PSMC2: variants seen among roughly 807,000 people sequenced by gnomAD.
PSMC2 encodes the protein proteasome 26S subunit, ATPase 2, also known as 26S proteasome regulatory subunit 7.
A neutral mutation model predicts 53.3 loss-of-function variants in PSMC2; 7 were observed. That is an observed-to-expected ratio of 0.13 (90% confidence interval 0.07 to 0.25). PSMC2 has a LOEUF of 0.25. Ranked by LOEUF, PSMC2 falls within the 10% of genes least tolerant of loss-of-function variation. The pLI is 1.00. For missense variants in PSMC2, 241 were observed against 544.0 expected (o/e 0.44, Z 5.54); for synonymous variants, 169 against 183.9 (o/e 0.92, Z 0.66).
chr7:103,364,069 C>T, intron 7 of PSMC2, 74 bp from the exon 8 acceptor site: 2 of 1,415,438 alleles, frequency 1.4e-6, no homozygotes, highest in Non-Finnish European at 1.9e-6. Context: ...CATAAAAGCA[C>T]TTTGTTGATT....
At chr7:103,362,621 C>T in intron 5 of PSMC2, 65 bp from the exon 6 acceptor site, 1 of 1,501,686 alleles carries the variant, frequency 6.7e-7, no homozygotes. Flanking sequence ...GGATAAAGGA[C>T]TAAACATAAA....
chr7:103,349,198 C>G (rs1819673587), intron 1 of PSMC2, among the ~76,000 whole-genome samples: 3 of 152,182 alleles, frequency 2.0e-5, no homozygotes, highest in Admixed American at 1.3e-4. Flanking sequence ...CACTGTCCCC[C>G]AAAAGAAAGC....
chr7:103,355,220 A>C (rs1819962228), intron 3 of PSMC2, among the ~76,000 whole-genome samples: 1 of 152,222 alleles, frequency 6.6e-6, no homozygotes, highest in East Asian at 1.9e-4. Context: ...AGTAAACTTC[A>C]GTTAACAAGT....
At chr7:103,360,110 C>T (rs1820294655) in intron 4 of PSMC2, among the ~76,000 whole-genome samples, 1 of 151,764 alleles carries the variant, frequency 6.6e-6, no homozygotes, top group Admixed American at 6.6e-5. Flanking sequence ...TTTAATAACA[C>T]CAACATCTAG....
chr7:103,366,128 GC>G lies in PSMC2; in HGVS notation c.811del (p.Ile272SerfsTer31). ...GAAATGGCCAGAACAAAAAAAGCCT[GC>G]CTTATCTTCTTTGATGAAATTGATG... The part of the protein sequence containing the change: ...LFEMARTKKA[C>X]LIFFDEIDAI... On this transcript the variant is annotated frameshift_variant, in exon 9 of 12. Transcript: ENST00000292644. LOFTEE classifies it high-confidence loss of function. The G allele has an allele frequency of 6.2e-7, 1 of 1,613,914 alleles. No homozygotes were observed. The highest frequency in any genetic ancestry group is 8.5e-7 in the Non-Finnish European group (1 of 1,179,850).
At chr7:103,365,012 AT>A (rs1321009782) in intron 8 of PSMC2, among the ~76,000 whole-genome samples, 5 of 142,356 alleles carry the variant, frequency 3.5e-5, no homozygotes, top group Non-Finnish European at 6.1e-5. Context: ...GGCTATATGT[AT>A]TGTATCTGAA....
intron 5 of PSMC2, 154 bp downstream of exon 5, chr7:103,362,242 C>A: frequency 7.0e-7 from 1 of 1,436,660 alleles, no homozygotes; most frequent in Non-Finnish European, 9.1e-7. Flanking sequence ...CTGTCTTCTG[C>A]ATCTGCTTCC....
intron 8 of PSMC2, among the ~76,000 whole-genome samples, chr7:103,365,435 C>G (rs1032314046): frequency 4.6e-5 from 7 of 151,914 alleles, no homozygotes; most frequent in African/African-American, 1.2e-4. Context: ...AGTTGGAAAC[C>G]AGCCTGACCA....
At chr7:103,349,529 A>G (rs1459080349) in intron 1 of PSMC2, among the ~76,000 whole-genome samples, 2 of 151,902 alleles carry the variant, frequency 1.3e-5, no homozygotes, top group Admixed American at 6.6e-5. Flanking sequence ...GCTCACTGCA[A>G]TCGCTGCCTC....
chr7:103,353,596 C>G (rs532259568), intron 1 of PSMC2, among the ~76,000 whole-genome samples: 1 of 152,158 alleles, frequency 6.6e-6, no homozygotes, highest in African/African-American at 2.4e-5. Flanking sequence ...CAGGAGCCAC[C>G]GCACGGGGCC....
At position 103,367,380 on chromosome 7, in the gene PSMC2, T is replaced by C. The variant is rs1054864418; in HGVS notation, c.845-33T>C. The C allele has an allele frequency of 1.9e-6, 3 of 1,607,704 alleles. No homozygotes were observed. The highest frequency in any genetic ancestry group is 4.5e-5 in the East Asian group (2 of 44,874). On this transcript the variant is annotated intron_variant, in intron 9 of 11. Coordinates refer to ENST00000292644, the MANE Select transcript of PSMC2 (RefSeq NM_002803.4). The surrounding 1 kb of genome is among the most constrained non-coding windows in gnomAD (Gnocchi z 6.1). ...TGCATAGTGCTACTCTTGAGTGGAC[T>C]TGAAGAGCTTATCTTTCCTTTTGTC...
rs563994963 is a variant in PSMC2, at chr7:103,361,975, T to C, written c.309T>C (p.Asn103=). Residue 103 remains asparagine (N), a synonymous_variant, in exon 5 of 12, where the codon AAT becomes AAC. Transcript: ENST00000292644. The part of the protein sequence containing the change: ...LQVARCTKII[N]ADSEDPKYII... ...GTGTTAGGTGTACAAAGATAATCAA[T>C]GCTGATTCGGAGGACCCAAAATACA... 5.0e-6 allele frequency: 8 copies of C among 1,612,788 alleles called. No homozygotes were observed. Among genetic ancestry groups the C allele is most frequent in the Non-Finnish European group, 6.8e-6 (8 of 1,179,704 alleles).
intron 1 of PSMC2, chr7:103,352,657 G>A (rs565703708): frequency 1.2e-4 from 61 of 529,134 alleles, no homozygotes; most frequent in South Asian, 9.8e-4. Context: ...CGCCTGTCTC[G>A]GCCTGGGATT....
Position 103,368,070 on chromosome 7 carries a change from A to C in PSMC2, c.*16A>C. On this transcript the variant is annotated 3_prime_UTR_variant, in exon 12 of 12. Coordinates refer to ENST00000292644, the MANE Select transcript of PSMC2 (RefSeq NM_002803.4). ...ATACAACTGAACCCTGAAGGCTTTCAAGTGAAAACTTTAAATTGGAATCCT... is the reference window on the plus strand; with the variant it reads ...ATACAACTGAACCCTGAAGGCTTTCCAGTGAAAACTTTAAATTGGAATCCT... 9 of 1,584,776 alleles carry C rather than the reference A, an allele frequency of 5.7e-6. No homozygotes were observed. The highest frequency in any genetic ancestry group is 7.7e-6 in the Non-Finnish European group (9 of 1,164,434).
chr7:103,360,092 A>AG, intron 4 of PSMC2, among the ~76,000 whole-genome samples: 1 of 152,114 alleles, frequency 6.6e-6, no homozygotes, highest in East Asian at 1.9e-4. Context: ...AAAAAAAAAA[A>AG]AGTTTTGTTT....
intron 4 of PSMC2, among the ~76,000 whole-genome samples, chr7:103,357,881 T>C (rs1820132428): frequency 6.6e-6 from 1 of 152,240 alleles, no homozygotes; most frequent in African/African-American, 2.4e-5. Context: ...TTTCTCTCAG[T>C]TATACCTTAG....
intron 4 of PSMC2, 114 bp from the exon 5 acceptor site, chr7:103,361,843 T>C: frequency 1.0e-6 from 1 of 999,456 alleles, no homozygotes; most frequent in Non-Finnish European, 1.4e-6. Context: ...TGTCCCAGTT[T>C]CTGTAGTTCT....
At chr7:103,365,792 G>C (rs1046332376) in intron 8 of PSMC2, among the ~76,000 whole-genome samples, 65 of 152,204 alleles carry the variant, frequency 4.3e-4, no homozygotes, top group African/African-American at 1.5e-3. Context: ...GCGGGGTGTG[G>C]TGACACATGC....
chr7:103,347,762 G>C lies in PSMC2; in HGVS notation c.51G>C (p.Lys17Asn). The part of the protein sequence containing the change: ...ADQRKTKEDE[K>N]DDKPIRALDE... ...AGCGGAAGACCAAAGAGGATGAGAA[G>C]GACGACAAGCCCATCCGAGGTCAGT... Residue 17 changes from lysine (K) to asparagine (N), a missense_variant, in exon 1 of 12, where the codon AAG (lysine) becomes AAC (asparagine). Transcript: ENST00000292644. The C allele has an allele frequency of 6.2e-7, 1 of 1,613,880 alleles. No homozygotes were observed. Among genetic ancestry groups the C allele is most frequent in the South Asian group, 1.1e-5 (1 of 91,068 alleles).
Sources: gnomAD v4.1 joint callset for allele counts (sites outside exome capture counted in the v4.1 genomes callset) on GRCh38, gnomAD v4.1.1 for gene constraint, Gnocchi (gnomAD v3.1) non-coding constraint, MANE v1.5 for transcripts, NCBI Gene and HGNC (gene_info 2026-07-23, HGNC 2026-07-21) for gene names.